GPM6A: variants seen among roughly 807,000 people sequenced by gnomAD.
GPM6A encodes the protein glycoprotein M6A.
Under a neutral mutation model 32.1 loss-of-function variants are expected in GPM6A, and 7 were observed. The ratio of observed to expected loss-of-function variants is 0.22; its 90% CI spans 0.12 to 0.41. GPM6A has a LOEUF of 0.41. Among genes scored for constraint, GPM6A ranks in the 10% least tolerant of loss-of-function variants. The probability of loss-of-function intolerance (pLI) is 1.00; values close to 1 mark genes in which losing one functional copy is unlikely to be tolerated. For synonymous variants in GPM6A, 130 were observed against 123.4 expected, an observed-to-expected ratio of 1.05 and a Z score of -0.35; for missense variants, 235 against 347.2, an observed-to-expected ratio of 0.68 and a Z score of 2.57.
intron 1 of GPM6A, among the ~76,000 whole-genome samples, chr4:175,875,249 G>A (rs1052806350): frequency 6.6e-6 from 1 of 152,172 alleles, no homozygotes; most frequent in South Asian, 2.1e-4. Context: ...GCTTTGTCTT[G>A]TCCTCTTCAT....
At chr4:175,725,888 C>A (rs2111127678) in intron 1 of GPM6A, among the ~76,000 whole-genome samples, 1 of 151,586 alleles carries the variant, frequency 6.6e-6, no homozygotes, top group African/African-American at 2.4e-5. Flanking sequence ...TTCAATTTGA[C>A]AACATGAAAG....
At position 175,977,989 on chromosome 4, in the gene GPM6A, T is replaced by C. The variant is rs141204586; in HGVS notation, c.-23+24320A>G. Among the ~76,000 whole-genome samples, 69 of 152,348 alleles carry C rather than the reference T, an allele frequency of 4.5e-4. No homozygotes were observed. In the East Asian group the frequency reaches 0.011, roughly 25 times the overall value. On this transcript the variant is annotated intron_variant, in intron 1 of 7. Coordinates refer to the GPM6A transcript ENST00000280187. Reference sequence around the variant, plus strand: ...CAATGCTGTCAGGTTCAAAGGTTTCTCCAAATTTTCCAAACATTTAAAAGT... The same window carrying C: ...CAATGCTGTCAGGTTCAAAGGTTTCCCCAAATTTTCCAAACATTTAAAAGT...
intron 1 of GPM6A, among the ~76,000 whole-genome samples, chr4:175,908,555 A>G (rs1738203362): frequency 6.6e-6 from 1 of 152,174 alleles, no homozygotes; most frequent in Non-Finnish European, 1.5e-5. Context: ...TTAAAAGAAA[A>G]GATACCTGAT....
At chr4:175,652,096 T>C (rs1560853177) in intron 3 of GPM6A, 109 bp from the exon 4 acceptor site, 2 of 706,162 alleles carry the variant, frequency 2.8e-6, no homozygotes, top group African/African-American at 1.8e-5. Flanking sequence ...ATACAGTACA[T>C]AAGTCAGTAT....
intron 1 of GPM6A, chr4:175,788,040 C>T (rs1280580369): frequency 6.6e-6 from 1 of 152,176 alleles, no homozygotes; most frequent in African/African-American, 2.4e-5. Flanking sequence ...CTCTTCTCAT[C>T]CTTTATTTCA....
intron 1 of GPM6A, among the ~76,000 whole-genome samples, chr4:175,888,961 G>A (rs1048025777): frequency 6.6e-6 from 1 of 152,102 alleles, no homozygotes; most frequent in Non-Finnish European, 1.5e-5. Flanking sequence ...ATTGAAGAAT[G>A]TAATTAAATA....
intron 1 of GPM6A, among the ~76,000 whole-genome samples, chr4:175,821,990 A>C (rs1257879441): frequency 6.6e-6 from 1 of 152,144 alleles, no homozygotes; most frequent in East Asian, 1.9e-4. Flanking sequence ...TGATTTTAAA[A>C]GAAATGATTC....
At chr4:175,827,622 T>G (rs1324440324) in intron 1 of GPM6A, among the ~76,000 whole-genome samples, 1 of 152,198 alleles carries the variant, frequency 6.6e-6, no homozygotes, top group African/African-American at 2.4e-5. Flanking sequence ...ATAGCTGGAT[T>G]ATTTCTCATT....
chr4:175,958,430 T>A (rs920673929), intron 1 of GPM6A, among the ~76,000 whole-genome samples: 3 of 152,194 alleles, frequency 2.0e-5, no homozygotes, highest in African/African-American at 7.2e-5. Context: ...ATGATTGTAT[T>A]TGAAGTGTAT....
chr4:175,938,694 G>T (rs1739315674), intron 1 of GPM6A, among the ~76,000 whole-genome samples: 2 of 149,348 alleles, frequency 1.3e-5, no homozygotes, highest in Non-Finnish European at 3.0e-5. Flanking sequence ...TTAGACCTCT[G>T]TCAGATACTT....
At chr4:175,871,144 C>T (rs1006352638) in intron 1 of GPM6A, among the ~76,000 whole-genome samples, 4 of 151,820 alleles carry the variant, frequency 2.6e-5, no homozygotes, top group African/African-American at 7.3e-5. Context: ...GCAAACAGTT[C>T]GAACCAAAAT....
At chr4:175,672,390 A>C (rs1579368006) in intron 3 of GPM6A, among the ~76,000 whole-genome samples, 1 of 152,332 alleles carries the variant, frequency 6.6e-6, no homozygotes, top group East Asian at 1.9e-4. Flanking sequence ...GTGGCATTAC[A>C]ATGTTACTGT....
intron 1 of GPM6A, among the ~76,000 whole-genome samples, chr4:175,803,968 GT>G (rs147818827): frequency 0.17 from 25,630 of 147,270 alleles, 2,838 homozygotes; most frequent in Middle Eastern, 0.28. Context: ...CTGTAAAATG[GT>G]TTTTTTTTTT....
At chr4:175,927,485 G>A (rs1000859925) in intron 1 of GPM6A, among the ~76,000 whole-genome samples, 20 of 152,246 alleles carry the variant, frequency 1.3e-4, no homozygotes, top group Non-Finnish European at 8.8e-5. Flanking sequence ...TGCAGTGGCC[G>A]AGCTAGACCT....
chr4:175,943,874 C>A (rs776988622), intron 1 of GPM6A, among the ~76,000 whole-genome samples: 2 of 152,002 alleles, frequency 1.3e-5, no homozygotes, highest in African/African-American at 4.8e-5. Flanking sequence ...GGTTTTGGTA[C>A]GAGGATGATG....
At position 175,908,583 on chromosome 4, in the gene GPM6A, GGAA is replaced by G. The variant is rs200260891; in HGVS notation, c.-23+93723_-23+93725del. Among the ~76,000 whole-genome samples, 857 of 152,216 alleles carry G rather than the reference GGAA, an allele frequency of 5.6e-3. 11 individuals are homozygous for G. The highest frequency in any genetic ancestry group is 0.02 in the African/African-American group (814 of 41,550). ...TACCTGATCTAGGGATAAACTTTGA[GGAA>G]GAAGAAGTTTGTATCATCAAAGGGG... On this transcript the variant is annotated intron_variant, in intron 1 of 7. Transcript: ENST00000280187.
rs6845734 is a variant in GPM6A, at chr4:175,945,092, A to T, written c.-23+57217T>A. ...GGGTGTTTTTTAAAAAAAATTATTC[A>T]TTGAGGCTAGAAAAGACTCTGTGAC... On this transcript the variant is annotated intron_variant, in intron 1 of 7. Coordinates refer to the GPM6A transcript ENST00000280187. Among the ~76,000 whole-genome samples, 569 of 151,996 alleles carry T rather than the reference A, an allele frequency of 3.7e-3. 6 individuals are homozygous for T. Among genetic ancestry groups the T allele is most frequent in the African/African-American group, 0.013 (550 of 41,546 alleles).
chr4:175,911,108 G>A lies in GPM6A; in HGVS notation c.-23+91201C>T, dbSNP rs187650807. Among the ~76,000 whole-genome samples, 62 of 152,244 alleles carry A rather than the reference G, an allele frequency of 4.1e-4. 1 individual carries two copies. Among genetic ancestry groups the A allele is most frequent in the Admixed American group, 4.0e-3 (61 of 15,284 alleles). On this transcript the variant is annotated intron_variant, in intron 1 of 7. Coordinates refer to the GPM6A transcript ENST00000280187. ...CCCAAATCTTGGGCTGCCTAGGCCA[G>A]AAATCACTTAGATTTCTCAGGTGTC...
At chr4:175,791,220 GATAA>G (rs1355302419) in intron 1 of GPM6A, among the ~76,000 whole-genome samples, 1 of 152,066 alleles carries the variant, frequency 6.6e-6, no homozygotes, top group Non-Finnish European at 1.5e-5. Context: ...AACAAGTAGA[GATAA>G]ATAAAATGTA....
Sources: gnomAD v4.1 joint callset for allele counts (sites outside exome capture counted in the v4.1 genomes callset) on GRCh38, gnomAD v4.1.1 for gene constraint, MANE v1.5 for transcripts, NCBI Gene and HGNC (gene_info 2026-07-23, HGNC 2026-07-21) for gene names.